The following KCNMB2 variants were observed in gnomAD, a reference collection of about 807,000 sequenced individuals.
KCNMB2 encodes the protein potassium calcium-activated channel subfamily M regulatory beta subunit 2, also known as calcium-activated potassium channel subunit beta-2.
KCNMB2 carries 9 observed loss-of-function variants against 24.5 expected under a neutral mutation model. The ratio of observed to expected loss-of-function variants is 0.37; its 90% CI spans 0.22 to 0.64. The LOEUF (loss-of-function observed/expected upper bound fraction) is 0.64. KCNMB2 is among the 30% of genes least tolerant of loss of function. KCNMB2 has a pLI of 0.63. For missense variants in KCNMB2, 226 were observed against 284.3 expected, an observed-to-expected ratio of 0.79 and a Z score of 1.47; for synonymous variants, 109 against 104.4, an observed-to-expected ratio of 1.04 and a Z score of -0.27.
At chr3:178,627,387 T>A (rs1374170273) in intron 1 of KCNMB2, among the ~76,000 whole-genome samples, 1 of 152,188 alleles carries the variant, frequency 6.6e-6, no homozygotes, top group African/African-American at 2.4e-5. Context: ...TATAGTAGAA[T>A]GTCCTAGGAG....
chr3:178,708,024 G>A (rs1419350206), intron 1 of KCNMB2, among the ~76,000 whole-genome samples: 2 of 152,114 alleles, frequency 1.3e-5, no homozygotes, highest in Admixed American at 1.3e-4. Flanking sequence ...CTTCCAGTTT[G>A]GAGCTGACTG....
At chr3:178,705,066 C>T (rs1046414083) in intron 1 of KCNMB2, among the ~76,000 whole-genome samples, 1 of 152,146 alleles carries the variant, frequency 6.6e-6, no homozygotes, top group Non-Finnish European at 1.5e-5. Flanking sequence ...AAGCCAAAAC[C>T]CAGACTCTCT....
intron 1 of KCNMB2, among the ~76,000 whole-genome samples, chr3:178,705,025 CT>C (rs1361512404): frequency 4.6e-5 from 7 of 152,140 alleles, no homozygotes; most frequent in African/African-American, 1.7e-4. Flanking sequence ...TTAGCATAAA[CT>C]CTCCTGTAAG....
chr3:178,696,918 G>T (rs892628863), intron 1 of KCNMB2, among the ~76,000 whole-genome samples: 1 of 152,118 alleles, frequency 6.6e-6, no homozygotes, highest in East Asian at 1.9e-4. Flanking sequence ...GCATGGTTTT[G>T]AGTGAATTTC....
rs9290655 is a variant in KCNMB2 at position 178,569,743 on chromosome 3, A to T, written c.-68+33032A>T. ...ATAAATGTAAATATTTAGGATAATG[A>T]ATTTAATTGCCTTCAACCTTCTGAA... On this transcript the variant is annotated intron_variant, in intron 1 of 4. Coordinates refer to ENST00000452583, the MANE Select transcript of KCNMB2 (RefSeq NM_181361.3). 5.3e-3 allele frequency among the ~76,000 whole-genome samples: 812 copies of T among 152,348 alleles called. 5 individuals carry two copies. Among genetic ancestry groups the T allele is most frequent in the African/African-American group, 0.019 (776 of 41,584 alleles).
intron 1 of KCNMB2, among the ~76,000 whole-genome samples, chr3:178,543,684 G>A (rs951879787): frequency 3.9e-5 from 6 of 152,032 alleles, no homozygotes; most frequent in African/African-American, 1.4e-4. Flanking sequence ...TCAAATTTCC[G>A]ATTCCTGAAG....
At chr3:178,726,982 TA>T (rs10714099) in intron 1 of KCNMB2, among the ~76,000 whole-genome samples, 21,244 of 152,064 alleles carry the variant, frequency 0.14, 1,837 homozygotes, top group Non-Finnish European at 0.18. Flanking sequence ...GCTAGAGATC[TA>T]AAAAACAAAC....
rs775672936 is a variant in KCNMB2 at position 178,628,007 on chromosome 3, C to T, written c.-68+91296C>T. 3.3e-5 allele frequency among the ~76,000 whole-genome samples: 5 copies of T among 152,274 alleles called. No individual in the cohort carries two copies. In the East Asian group the frequency reaches 9.6e-4, roughly 29 times the overall value. On this transcript the variant is annotated intron_variant, in intron 1 of 4. Transcript: ENST00000452583. ...CTAATGACAATGAGCGCAAACTAAC[C>T]ACTTAGCCCAGTTTTAATTAAGAAA...
intron 1 of KCNMB2, among the ~76,000 whole-genome samples, chr3:178,566,576 T>C (rs1716528850): frequency 8.1e-6 from 1 of 123,188 alleles, no homozygotes; most frequent in South Asian, 2.7e-4. Flanking sequence ...TTACATCCTG[T>C]CTCCTTCAAG....
rs925216840 is a variant in KCNMB2 at position 178,844,417 on chromosome 3, TAAA to T, written c.*1486_*1488del. On this transcript the variant is annotated 3_prime_UTR_variant, in exon 5 of 5. Coordinates refer to ENST00000452583, the MANE Select transcript of KCNMB2 (RefSeq NM_181361.3). ...CTTCAAATGTGTAATTAAATTTTTT[TAAA>T]AAAAATCTATTAAATTGCAAGATTT... The T allele has an allele frequency of 6.6e-6, 1 of 152,152 alleles. No homozygotes were observed. The highest frequency in any genetic ancestry group is 1.5e-5 in the Non-Finnish European group (1 of 67,914). 9.4% of individuals were successfully genotyped at this position (152,152 alleles called of 1,614,324 possible).
chr3:178,628,272 G>T (rs1391595495), intron 1 of KCNMB2, among the ~76,000 whole-genome samples: 2 of 152,116 alleles, frequency 1.3e-5, no homozygotes, highest in African/African-American at 4.8e-5. Flanking sequence ...GAAGACAAGA[G>T]CACTTGGTTT....
chr3:178,731,115 A>C (rs559140953), intron 1 of KCNMB2, among the ~76,000 whole-genome samples: 1 of 152,202 alleles, frequency 6.6e-6, no homozygotes, highest in African/African-American at 2.4e-5. Flanking sequence ...AAGAAAGAAA[A>C]AAAAATAAGG....
intron 1 of KCNMB2, among the ~76,000 whole-genome samples, chr3:178,720,557 C>G (rs1722767232): frequency 8.0e-6 from 1 of 124,378 alleles, no homozygotes; most frequent in South Asian, 2.8e-4. Flanking sequence ...AATCGCCACA[C>G]TGACTTCCAC....
intron 1 of KCNMB2, among the ~76,000 whole-genome samples, chr3:178,611,709 AAAAC>A (rs939774233): frequency 5.9e-5 from 9 of 152,182 alleles, no homozygotes; most frequent in East Asian, 3.9e-4. Flanking sequence ...TGTCTCACAA[AAAAC>A]AAACAAACAA....
In KCNMB2 at chr3:178,698,601, G is replaced by A. The variant is rs190235310; in HGVS notation, c.-67-108742G>A. ...TGAATTTCTTTCCTATCTATATACC[G>A]AATTCTATTTTCTGTCATTTCAGCC... is the stretch of plus-strand genomic sequence containing the variant. On this transcript the variant is annotated intron_variant, in intron 1 of 4. Transcript: ENST00000452583. Among the ~76,000 whole-genome samples, 29 of 152,114 alleles carry A rather than the reference G, an allele frequency of 1.9e-4. 1 individual carries two copies. The highest frequency in any genetic ancestry group is 5.8e-4 in the African/African-American group (24 of 41,480).
intron 1 of KCNMB2, among the ~76,000 whole-genome samples, chr3:178,570,323 C>A (rs538576577): frequency 2.0e-5 from 3 of 151,816 alleles, no homozygotes; most frequent in Non-Finnish European, 4.4e-5. Flanking sequence ...TTCACAACAC[C>A]CTGCAATCAA....
At chr3:178,825,456 A>G in intron 2 of KCNMB2, 132 bp from the exon 3 acceptor site, 1 of 635,586 alleles carries the variant, frequency 1.6e-6, no homozygotes, top group East Asian at 2.8e-5. Context: ...GGTAGTGGAC[A>G]CACACTGAGG....
intron 2 of KCNMB2, chr3:178,820,502 T>C (rs1714582264): frequency 1.3e-5 from 2 of 153,128 alleles, no homozygotes; most frequent in Admixed American, 6.5e-5. Context: ...TTTCTCCTTC[T>C]CTTTATAGGA....
chr3:178,604,687 A>T (rs1202481788), intron 1 of KCNMB2, among the ~76,000 whole-genome samples: 1 of 152,208 alleles, frequency 6.6e-6, no homozygotes, highest in Non-Finnish European at 1.5e-5. Context: ...ACCTGCTAGC[A>T]CTTCCCTTGC....
Sources: allele counts gnomAD v4.1 joint callset (sites outside exome capture counted in the v4.1 genomes callset), GRCh38; gene constraint gnomAD v4.1.1; transcripts MANE v1.5; gene names NCBI Gene and HGNC (gene_info 2026-07-23, HGNC 2026-07-21).